Variants in NAPEPLD observed in about 807,000 individuals in gnomAD.
The protein encoded by NAPEPLD is N-acyl-phosphatidylethanolamine-hydrolyzing phospholipase D.
In NAPEPLD, 23 loss-of-function variants were observed where a neutral mutation model predicts 38.1. That is an observed-to-expected ratio of 0.60 (90% confidence interval 0.43 to 0.86). The LOEUF is 0.86. Ranked by LOEUF, NAPEPLD falls within the 40% of genes least tolerant of loss-of-function variation. The pLI, the probability that NAPEPLD is intolerant of heterozygous loss-of-function variation, is 0.00. For synonymous variants in NAPEPLD, 147 were observed against 162.0 expected, an observed-to-expected ratio of 0.91 and a Z score of 0.71; for missense variants, 411 against 476.8, an observed-to-expected ratio of 0.86 and a Z score of 1.28.
chr7:103,130,445 A>G (rs1470533507), intron 1 of NAPEPLD, among the ~76,000 whole-genome samples: 2 of 152,190 alleles, frequency 1.3e-5, no homozygotes, highest in Middle Eastern at 3.2e-3. Context: ...ACCCTTTCTC[A>G]TCCTCCATTT....
At chr7:103,129,356 C>T in intron 1 of NAPEPLD, 2 of 983,446 alleles carry the variant, frequency 2.0e-6, no homozygotes, top group Non-Finnish European at 2.4e-6. Flanking sequence ...ATTTCCCCAG[C>T]CAGCATGTAA....
chr7:103,148,153 T>G, intron 1 of NAPEPLD: 1 of 934,208 alleles, frequency 1.1e-6, no homozygotes, highest in Non-Finnish European at 1.3e-6. Context: ...TTAACAAACA[T>G]GGGAATTATT....
At chr7:103,105,394 A>G (rs1803106233) in intron 4 of NAPEPLD, among the ~76,000 whole-genome samples, 2 of 152,204 alleles carry the variant, frequency 1.3e-5, no homozygotes, top group Non-Finnish European at 2.9e-5. Context: ...GAATATATTC[A>G]AAGTAAAGAC....
At chr7:103,115,259 G>T in intron 3 of NAPEPLD, 85 bp from the exon 4 acceptor site, 1 of 955,668 alleles carries the variant, frequency 1.0e-6, no homozygotes, top group Non-Finnish European at 1.6e-6. Flanking sequence ...CAAACTTTAA[G>T]ATTCTGCGCA....
upstream of NAPEPLD, chr7:103,149,215 G>C (rs1813237880): frequency 1.0e-6 from 1 of 997,120 alleles, no homozygotes; most frequent in Non-Finnish European, 1.2e-6. Flanking sequence ...CCGGACACTC[G>C]GGATCCCGGG....
intron 1 of NAPEPLD, among the ~76,000 whole-genome samples, chr7:103,132,005 T>C (rs1268531997): frequency 6.6e-6 from 1 of 152,138 alleles, no homozygotes; most frequent in East Asian, 1.9e-4. Flanking sequence ...TCACAGCAAC[T>C]TGGGAGCCTG....
chr7:103,113,022 T>C (rs1205237917), intron 4 of NAPEPLD, among the ~76,000 whole-genome samples: 1 of 152,192 alleles, frequency 6.6e-6, no homozygotes, highest in Non-Finnish European at 1.5e-5. Context: ...CCCATCTCAG[T>C]AAAGAGCACA....
chr7:103,103,540 A>C lies in NAPEPLD; in HGVS notation c.1071T>G (p.Pro357=), dbSNP rs1207705822. Residue 357 remains proline, a synonymous_variant, in exon 5 of 5, where the codon CCT becomes CCG. Transcript: ENST00000465647. ...CTAGAGCTTCATTCAGCTTCACTGG[A>C]GGCTCTAAGTAATGCTGGCCAAAGA... ...FALANEHYLE[P]PVKLNEALER... is the part of the protein sequence containing the mutation. The C allele has an allele frequency of 6.3e-7, 1 of 1,586,728 alleles. No individual in the cohort carries two copies. The highest frequency in any genetic ancestry group is 2.3e-5 in the East Asian group (1 of 43,604).
chr7:103,125,880 T>A (rs994877629), intron 2 of NAPEPLD, among the ~76,000 whole-genome samples: 1 of 130,230 alleles, frequency 7.7e-6, no homozygotes, highest in Non-Finnish European at 1.5e-5. Flanking sequence ...AGAGTGAGAC[T>A]CTGTCTCAAA....
chr7:103,113,439 A>G (rs907031480), intron 4 of NAPEPLD, among the ~76,000 whole-genome samples: 7 of 152,126 alleles, frequency 4.6e-5, no homozygotes, highest in African/African-American at 1.4e-4. Flanking sequence ...AACACACTGC[A>G]TCTTTGGGAG....
chr7:103,140,387 CTT>C (rs377763676), intron 1 of NAPEPLD, among the ~76,000 whole-genome samples: 18 of 92,634 alleles, frequency 1.9e-4, no homozygotes, highest in African/African-American at 7.8e-4. Flanking sequence ...TCACAGAACT[CTT>C]TTTTTTTTTT....
chr7:103,141,986 T>C (rs1226765052), intron 1 of NAPEPLD: 3 of 709,196 alleles, frequency 4.2e-6, no homozygotes, highest in South Asian at 1.6e-5. Flanking sequence ...TGTGGAGCTT[T>C]TTAAACTACA....
chr7:103,146,541 C>A (rs1461214538), intron 1 of NAPEPLD, among the ~76,000 whole-genome samples: 1 of 152,126 alleles, frequency 6.6e-6, no homozygotes, highest in Non-Finnish European at 1.5e-5. Context: ...AGAGTCTGCA[C>A]CTTCAAGGGG....
At chr7:103,141,974 C>G (rs1811497242) in intron 1 of NAPEPLD, 6 of 737,724 alleles carry the variant, frequency 8.1e-6, no homozygotes, top group Non-Finnish European at 1.4e-5. Context: ...AAAGAGCTCC[C>G]CTGTGGAGCT....
Position 103,119,527 on chromosome 7 carries a change from T to G in NAPEPLD, c.941+50A>C, listed in dbSNP as rs1806197062. On this transcript the variant is annotated intron_variant, in intron 3 of 4. Transcript: ENST00000465647. ...AATCATAATTGCTTTACTTTTAAAT[T>G]CAGTTAATTTATCACATAGCAGGAA... 2.6e-6 allele frequency: 4 copies of G among 1,537,090 alleles called. No homozygotes were observed. In the African/African-American group the frequency reaches 5.5e-5, roughly 21 times the overall value.
chr7:103,119,967 C>T lies in NAPEPLD; in HGVS notation c.551G>A (p.Ser184Asn), dbSNP rs757105870. 1.2e-6 allele frequency: 2 copies of T among 1,614,088 alleles called. No individual in the cohort carries two copies. The highest frequency in any genetic ancestry group is 2.7e-5 in the African/African-American group (2 of 74,932). Residue 184 changes from serine (S) to asparagine (N), a missense_variant, in exon 3 of 5, where the codon AGT becomes AAT. Transcript: ENST00000465647. ...ELPPIDAVLI[S>N]HNHYDHLDYN... ...GTCCAGATGGTCATAGTGGTTGTGA[C>T]TGATAAGGACCGCATCTATTGGAGG...
chr7:103,128,628 A>T lies in NAPEPLD; in HGVS notation c.149T>A (p.Leu50Gln). ...CTTGGATTTAGTTACATCTTCTTCTAGTCTATAATCCAGTTTGAAGCTTTT... is the reference window on the plus strand; with the variant it reads ...CTTGGATTTAGTTACATCTTCTTCTTGTCTATAATCCAGTTTGAAGCTTTT... ...SRKSFKLDYR[L>Q]EEDVTKSKKG... Residue 50 changes from leucine to glutamine, a missense_variant, in exon 2 of 5, where the codon CTA becomes CAA. Physicochemically the swap from Leu to Gln is moderately radical, Grantham distance 113. Transcript: ENST00000465647. The T allele has an allele frequency of 6.2e-7, 1 of 1,614,162 alleles. No homozygotes were observed. The highest frequency in any genetic ancestry group is 8.5e-7 in the Non-Finnish European group (1 of 1,180,018).
rs752921659 is a variant in NAPEPLD, at chr7:103,128,619, T to A, written c.158A>T (p.Asp53Val). The change falls in exon 2 of 5, where the codon GAT becomes GTT. Residue 53 changes from aspartate to valine, a missense_variant. Asp to Val is a radical substitution (Grantham distance 152). Transcript: ENST00000465647. The part of the protein sequence containing the change: ...SFKLDYRLEE[D>V]VTKSKKGKDG... ...TTTTCCTTTCTTGGATTTAGTTACA[T>A]CTTCTTCTAGTCTATAATCCAGTTT... is the stretch of plus-strand genomic sequence containing the variant. The A allele has an allele frequency of 6.2e-6, 10 of 1,614,072 alleles. No individual in the cohort carries two copies. The highest frequency in any genetic ancestry group is 1.3e-5 in the African/African-American group (1 of 74,924).
At chr7:103,134,786 A>G (rs6465902) in intron 1 of NAPEPLD, among the ~76,000 whole-genome samples, 138,560 of 152,268 alleles carry the variant, frequency 0.91, 64,436 homozygotes, top group East Asian at 1. Context: ...TTTAAGAGCA[A>G]AAGGACTTAT....
Sources: allele counts gnomAD v4.1 joint callset (sites outside exome capture counted in the v4.1 genomes callset), GRCh38; gene constraint gnomAD v4.1.1; transcripts MANE v1.5; gene names NCBI Gene and HGNC (gene_info 2026-07-23, HGNC 2026-07-21).